The following RASA3 variants were observed in gnomAD, a reference collection of about 807,000 sequenced individuals.
RASA3 encodes RAS p21 protein activator 3, also known as ras GTPase-activating protein 3.
In RASA3, 73 loss-of-function variants were observed where a neutral mutation model predicts 110.0. The ratio of observed to expected loss-of-function variants is 0.66; its 90% CI spans 0.55 to 0.81. The LOEUF (loss-of-function observed/expected upper bound fraction) is 0.81. Ranked by LOEUF, RASA3 falls within the 30% of genes least tolerant of loss-of-function variation. The pLI is 0.00. For missense variants in RASA3, 976 were observed against 1,113.2 expected (o/e 0.88, Z 1.75); for synonymous variants, 500 against 451.4 (o/e 1.11, Z -1.37).
At position 114,024,573 on chromosome 13, in the gene RASA3, G is replaced by A. The variant is rs191619759; in HGVS notation, c.604-218C>T. On this transcript the variant is annotated intron_variant, in intron 7 of 23. Coordinates refer to ENST00000334062, the MANE Select transcript of RASA3 (RefSeq NM_007368.4). ...CGCCCCTGGAGGGGCAGACCCAGGT[G>A]AGACCTGCCCCAAGGCTGTTCACGG... is the stretch of plus-strand genomic sequence containing the variant. 2.0e-3 allele frequency among the ~76,000 whole-genome samples: 311 copies of A among 152,374 alleles called. 2 individuals carry two copies. The highest frequency in any genetic ancestry group is 0.017 in the Middle Eastern group (5 of 294).
chr13:114,035,829 G>A (rs1271424450), intron 4 of RASA3: 1 of 152,252 alleles, frequency 6.6e-6, no homozygotes, highest in East Asian at 1.9e-4. Context: ...AAAGCTTGAC[G>A]ACGGACGGTG....
In RASA3 at chr13:113,992,606, G is replaced by C. The variant is rs767428054; in HGVS notation, c.2142-18C>G. ...GGAGGCCGCTGTCCAGACACAGCAA[G>C]AACAGAAAGATAAAAACACTTATTT... is the stretch of plus-strand genomic sequence containing the variant. On this transcript the variant is annotated intron_variant, in intron 21 of 23. Coordinates refer to ENST00000334062, the MANE Select transcript of RASA3 (RefSeq NM_007368.4). The C allele has an allele frequency of 6.4e-7, 1 of 1,573,832 alleles. No individual in the cohort carries two copies. The highest frequency in any genetic ancestry group is 1.3e-5 in the African/African-American group (1 of 74,160).
chr13:114,070,423 G>A (rs1044750438), intron 2 of RASA3, among the ~76,000 whole-genome samples: 6 of 152,088 alleles, frequency 3.9e-5, no homozygotes, highest in East Asian at 3.8e-4. Flanking sequence ...GAGGGCTTCC[G>A]ACCACAGATG....
chr13:113,996,872 T>C (rs531826314), intron 20 of RASA3, 133 bp from the exon 21 acceptor site: 1 of 761,468 alleles, frequency 1.3e-6, no homozygotes, highest in South Asian at 1.7e-5. Flanking sequence ...GGCCCAAAAG[T>C]CCTGGAGCTC....
At chr13:114,110,351 A>T (rs774784736) in intron 1 of RASA3, among the ~76,000 whole-genome samples, 3 of 152,214 alleles carry the variant, frequency 2.0e-5, no homozygotes, top group Non-Finnish European at 4.4e-5. Flanking sequence ...TAAGTAATTT[A>T]AAAATTATCA....
At chr13:114,042,117 A>G (rs529878427) in intron 3 of RASA3, among the ~76,000 whole-genome samples, 1 of 152,340 alleles carries the variant, frequency 6.6e-6, no homozygotes, top group African/African-American at 2.4e-5. Flanking sequence ...TGCAACCATT[A>G]TTATCTGCTT....
chr13:114,051,459 C>T (rs1394413386), intron 3 of RASA3, among the ~76,000 whole-genome samples: 4 of 152,234 alleles, frequency 2.6e-5, no homozygotes, highest in Admixed American at 2.0e-4. Context: ...ACCTGAAGTC[C>T]ACTCTGCCCA....
intron 2 of RASA3, among the ~76,000 whole-genome samples, chr13:114,062,206 T>G (rs2079366174): frequency 1.3e-5 from 2 of 151,832 alleles, no homozygotes; most frequent in Non-Finnish European, 2.9e-5. Context: ...TTTACTTACT[T>G]ATGATTTTAA....
intron 1 of RASA3, among the ~76,000 whole-genome samples, chr13:114,092,221 T>G (rs1473259197): frequency 7.2e-5 from 11 of 152,172 alleles, no homozygotes; most frequent in Admixed American, 6.5e-5. Flanking sequence ...GGGGTTGGCT[T>G]CTTGATTTTC....
At chr13:114,122,572 C>T (rs868323484) in intron 1 of RASA3, among the ~76,000 whole-genome samples, 1 of 152,220 alleles carries the variant, frequency 6.6e-6, no homozygotes, top group African/African-American at 2.4e-5. Context: ...TGCCTTCCCC[C>T]GCTGGGTGGG....
intron 14 of RASA3, among the ~76,000 whole-genome samples, chr13:114,013,685 CCTATCTCTGTCTCTCTCT>C (rs2053703451): frequency 1.1e-5 from 1 of 88,870 alleles, no homozygotes; most frequent in South Asian, 4.6e-4. Context: ...TGTCTCTCTC[CCTATCTCTGTCTCTCTCT>C]CTCTCTCCCC....
intron 1 of RASA3, among the ~76,000 whole-genome samples, chr13:114,123,387 A>G (rs2080404681): frequency 1.3e-5 from 2 of 152,362 alleles, no homozygotes; most frequent in Admixed American, 1.3e-4. Flanking sequence ...ACAGCTAAAG[A>G]GAAGATTTAG....
chr13:114,000,161 C>T (rs1225423756), intron 19 of RASA3, among the ~76,000 whole-genome samples: 1 of 116,148 alleles, frequency 8.6e-6, no homozygotes, highest in Non-Finnish European at 1.7e-5. Flanking sequence ...GGGGGTGTCT[C>T]TGCTGGGGGT....
chr13:113,999,705 G>A (rs1176760559), intron 19 of RASA3, 38 bp from the exon 20 acceptor site: 10 of 1,572,674 alleles, frequency 6.4e-6, no homozygotes, highest in African/African-American at 5.5e-5. Flanking sequence ...TGCGGGCCCC[G>A]CTGTCCCGGC....
intron 9 of RASA3, 53 bp downstream of exon 9, chr13:114,021,351 T>C (rs2053923467): frequency 6.6e-7 from 1 of 1,521,208 alleles, no homozygotes; most frequent in Admixed American, 1.7e-5. Context: ...AGGCAGCACG[T>C]GTTTTTGTGG....
chr13:114,057,172 A>G lies in RASA3; in HGVS notation c.174-5017T>C. ...TCTAGTGGTTCCAATTGCCTATTTT[A>G]ATGTTTTTCTTCTTATTTCATATAA... On this transcript the variant is annotated intron_variant, in intron 2 of 23. Transcript: ENST00000334062. The surrounding 1 kb of genome is among the most constrained non-coding windows in gnomAD (Gnocchi z 5.0). 1.0e-6 allele frequency: 1 copy of G among 975,272 alleles called. No homozygotes were observed. Among genetic ancestry groups the G allele is most frequent in the Non-Finnish European group, 1.2e-6 (1 of 820,776 alleles). 60.4% of individuals were successfully genotyped at this position (975,272 alleles called of 1,614,324 possible).
chr13:114,013,713 CCTCT>C (rs1183547533), intron 14 of RASA3, among the ~76,000 whole-genome samples: 2 of 86,406 alleles, frequency 2.3e-5, no homozygotes, highest in Non-Finnish European at 4.5e-5. Flanking sequence ...TCTCTCTCCC[CCTCT>C]CTCTCTCCGT....
At chr13:114,122,897 C>A (rs2080397337) in intron 1 of RASA3, among the ~76,000 whole-genome samples, 1 of 152,220 alleles carries the variant, frequency 6.6e-6, no homozygotes, top group Non-Finnish European at 1.5e-5. Context: ...CCAGCCAACG[C>A]TGCATGAGAA....
At chr13:114,058,583 T>G (rs2079285627) in intron 2 of RASA3, among the ~76,000 whole-genome samples, 1 of 152,182 alleles carries the variant, frequency 6.6e-6, no homozygotes, top group Non-Finnish European at 1.5e-5. Flanking sequence ...TGGGACAGCA[T>G]CTCCTTCCCT....
Sources: allele counts gnomAD v4.1 joint callset (sites outside exome capture counted in the v4.1 genomes callset), GRCh38; gene constraint gnomAD v4.1.1; non-coding constraint Gnocchi (gnomAD v3.1); transcripts MANE v1.5; gene names NCBI Gene and HGNC (gene_info 2026-07-23, HGNC 2026-07-21).